PLCE1: variants seen among roughly 807,000 people sequenced by gnomAD.
The protein encoded by PLCE1 is phospholipase C epsilon 1, also known as 1-phosphatidylinositol 4,5-bisphosphate phosphodiesterase epsilon-1.
A neutral mutation model predicts 242.8 loss-of-function variants in PLCE1; 119 were observed. That is an observed-to-expected ratio of 0.49 (90% CI 0.42 to 0.57). The LOEUF is 0.57. Ranked by LOEUF, PLCE1 falls within the 20% of genes least tolerant of loss-of-function variation. PLCE1 has a pLI of 0.00. For missense variants in PLCE1, 2,441 were observed against 2,788.8 expected (o/e 0.88, Z 2.81); for synonymous variants, 945 against 1,017.4 (o/e 0.93, Z 1.35).
chr10:94,177,328 C>T (rs2048157454), intron 4 of PLCE1, among the ~76,000 whole-genome samples: 1 of 152,206 alleles, frequency 6.6e-6, no homozygotes, highest in Non-Finnish European at 1.5e-5. Context: ...TCCCCCTTCT[C>T]ATGCCCTATT....
chr10:94,243,367 A>G (rs1342163715), intron 7 of PLCE1, among the ~76,000 whole-genome samples: 2 of 152,216 alleles, frequency 1.3e-5, no homozygotes, highest in Admixed American at 1.3e-4. Context: ...CATAGTCAAG[A>G]GGAGCCTAAA....
At chr10:94,185,710 A>C (rs1400165377) in intron 4 of PLCE1, among the ~76,000 whole-genome samples, 2 of 152,228 alleles carry the variant, frequency 1.3e-5, no homozygotes, top group Non-Finnish European at 2.9e-5. Context: ...AATGGTAACT[A>C]GTGTGATTTG....
chr10:94,124,095 A>G (rs2046372244), intron 2 of PLCE1, among the ~76,000 whole-genome samples: 1 of 152,190 alleles, frequency 6.6e-6, no homozygotes, highest in Non-Finnish European at 1.5e-5. Flanking sequence ...TCTGCCACTG[A>G]AGAAGGGGCT....
At chr10:94,041,038 A>C (rs563999016) in intron 2 of PLCE1, among the ~76,000 whole-genome samples, 2 of 152,048 alleles carry the variant, frequency 1.3e-5, no homozygotes, top group Non-Finnish European at 2.9e-5. Flanking sequence ...TGTCCTTTAC[A>C]TGAAACCTTT....
At chr10:94,036,321 T>G (rs1432763511) in intron 2 of PLCE1, among the ~76,000 whole-genome samples, 1 of 152,198 alleles carries the variant, frequency 6.6e-6, no homozygotes, top group Non-Finnish European at 1.5e-5. Flanking sequence ...TACAGTGGTA[T>G]GAATTTGAAT....
intron 2 of PLCE1, chr10:94,097,010 G>T (rs1241864694): frequency 6.6e-6 from 1 of 152,164 alleles, no homozygotes; most frequent in East Asian, 1.9e-4. Flanking sequence ...TTCTATGAAA[G>T]AAAGTACCAA....
intron 4 of PLCE1, among the ~76,000 whole-genome samples, chr10:94,224,576 G>GT (rs1313585865): frequency 1.1e-4 from 17 of 152,238 alleles, no homozygotes; most frequent in African/African-American, 2.9e-4. Flanking sequence ...TTGAGAAACT[G>GT]TTTTTTTACT....
rs991732096 is a variant in PLCE1 at position 94,291,629 on chromosome 10, G to A, written c.5036-1879G>A. Among the ~76,000 whole-genome samples the A allele has an allele frequency of 8.5e-5, 13 of 152,132 alleles. No homozygotes were observed. In the South Asian group the frequency reaches 1.0e-3, roughly 12 times the overall value. On this transcript the variant is annotated intron_variant, in intron 22 of 32. Transcript: ENST00000371380. ...ACTTAAAGGATTGCTGTAAAAAGTA[G>A]CAATAAAGTATCTAGTGTGATTAGC...
At chr10:94,325,504 A>C in intron 32 of PLCE1, 1 of 193,522 alleles carries the variant, frequency 5.2e-6, no homozygotes, top group Non-Finnish European at 1.1e-5. Flanking sequence ...CTGAGGCAGG[A>C]GAATCACTTG....
chr10:94,031,733 C>T lies in PLCE1; in HGVS notation c.687C>T (p.Asn229=), dbSNP rs1396714793. 6.2e-7 allele frequency: 1 copy of T among 1,613,730 alleles called. No homozygotes were observed. The highest frequency in any genetic ancestry group is 8.5e-7 in the Non-Finnish European group (1 of 1,179,844). ...GGGGTGAGGAGAAGCAAAAGAAAAA[C>T]TATGTGGCATATACCTGTAAACTGA... is the stretch of plus-strand genomic sequence containing the variant. ...LPGGEEKQKK[N]YVAYTCKLME... The change falls in exon 2 of 33, where the codon AAC becomes AAT. Residue 229 remains asparagine (N), a synonymous_variant. Transcript: ENST00000371380.
At chr10:94,233,548 G>A (rs2050215907) in intron 5 of PLCE1, among the ~76,000 whole-genome samples, 1 of 152,146 alleles carries the variant, frequency 6.6e-6, no homozygotes, top group Non-Finnish European at 1.5e-5. Flanking sequence ...GCCTATTTGT[G>A]TTTGTATCTG....
intron 2 of PLCE1, among the ~76,000 whole-genome samples, chr10:94,103,727 C>A (rs1253942877): frequency 6.6e-6 from 1 of 152,146 alleles, no homozygotes; most frequent in Non-Finnish European, 1.5e-5. Context: ...AGCATCTTGC[C>A]TCCTTCTATC....
chr10:94,277,934 A>C (rs1426268335), intron 19 of PLCE1, among the ~76,000 whole-genome samples: 9 of 152,204 alleles, frequency 5.9e-5, no homozygotes. Context: ...GCTTCCAGGC[A>C]TTCAGTGTAT....
At chr10:94,302,694 C>G (rs1281779707) in intron 24 of PLCE1, among the ~76,000 whole-genome samples, 4 of 152,136 alleles carry the variant, frequency 2.6e-5, no homozygotes, top group African/African-American at 7.2e-5. Flanking sequence ...CGTTATGTTT[C>G]TTGGGTGTTT....
At chr10:94,223,522 T>A (rs1364454603) in intron 4 of PLCE1, among the ~76,000 whole-genome samples, 1 of 152,090 alleles carries the variant, frequency 6.6e-6, no homozygotes, top group East Asian at 1.9e-4. Flanking sequence ...CAATAAGGTA[T>A]TTGATGTGAG....
At chr10:94,188,002 C>A (rs1214439848) in intron 4 of PLCE1, among the ~76,000 whole-genome samples, 3 of 152,124 alleles carry the variant, frequency 2.0e-5, no homozygotes, top group Non-Finnish European at 4.4e-5. Context: ...ACCATGGAAC[C>A]CACTTGCCCC....
chr10:94,038,334 A>G (rs924224697), intron 2 of PLCE1, among the ~76,000 whole-genome samples: 1 of 152,148 alleles, frequency 6.6e-6, no homozygotes, highest in Non-Finnish European at 1.5e-5. Context: ...CTGTTCTTAG[A>G]CAGCGGTGCT....
At chr10:94,322,289 G>A (rs1211171976) in intron 30 of PLCE1, among the ~76,000 whole-genome samples, 2 of 151,958 alleles carry the variant, frequency 1.3e-5, no homozygotes, top group Non-Finnish European at 2.9e-5. Context: ...AGGAGTTGGA[G>A]GCTGCAGTGA....
At chr10:94,254,419 C>G in intron 10 of PLCE1, 112 bp downstream of exon 10, 1 of 779,250 alleles carries the variant, frequency 1.3e-6, no homozygotes, top group Non-Finnish European at 2.3e-6. Context: ...TCTAACAAAA[C>G]TCTTTGTCCT....
Sources: gnomAD v4.1 joint callset for allele counts (sites outside exome capture counted in the v4.1 genomes callset) on GRCh38, gnomAD v4.1.1 for gene constraint, MANE v1.5 for transcripts, NCBI Gene and HGNC (gene_info 2026-07-23, HGNC 2026-07-21) for gene names.